DNAJC28: variants seen among roughly 807,000 people sequenced by gnomAD.
The protein encoded by DNAJC28 is DnaJ heat shock protein family (Hsp40) member C28.
DNAJC28 carries 24 observed loss-of-function variants against 33.3 expected under a neutral mutation model. That is an observed-to-expected ratio of 0.72 (90% confidence interval 0.52 to 1.01). The LOEUF is 1.01. Ranked by LOEUF, DNAJC28 falls within the 50% of genes least tolerant of loss-of-function variation. DNAJC28 has a pLI of 0.00. For synonymous variants in DNAJC28, 120 were observed against 147.2 expected, an observed-to-expected ratio of 0.82 and a Z score of 1.34; for missense variants, 442 against 455.2, an observed-to-expected ratio of 0.97 and a Z score of 0.26.
Position 33,488,176 on chromosome 21 carries a change from T to C in DNAJC28, c.*51A>G, listed in dbSNP as rs1285748270. The stretch of plus-strand genomic sequence containing the variant: ...TCTTGTATTATAGCAATAAATCTCA[T>C]TTTCCATGTAAAGTGTCAGTGGAAC... On this transcript the variant is annotated 3_prime_UTR_variant, in exon 2 of 2. Coordinates refer to ENST00000381947, the MANE Select transcript of DNAJC28 (RefSeq NM_001040192.3). 2.2e-6 allele frequency: 3 copies of C among 1,361,982 alleles called. No individual in the cohort carries two copies. The highest frequency in any genetic ancestry group is 2.7e-4 in the Middle Eastern group (1 of 3,760). The allele number at this position is 1,361,982 out of a possible 1,614,324, so 84.4% of individuals were successfully genotyped here.
chr21:33,489,155 GGAT>G lies in DNAJC28; in HGVS notation c.236_238del (p.His79del), dbSNP rs767130540. ...ATCAGCAGTATTAGAGCCACTGTCA[GGAT>G]GATATTGCTTGGCAAGCTTATGAAA... On this transcript the variant is annotated inframe_deletion, in exon 2 of 2. Coordinates refer to ENST00000381947, the MANE Select transcript of DNAJC28 (RefSeq NM_001040192.3). 1 of 1,612,216 alleles carries G rather than the reference GGAT, an allele frequency of 6.2e-7. No individual in the cohort carries two copies. The highest frequency in any genetic ancestry group is 8.5e-7 in the Non-Finnish European group (1 of 1,179,694).
intron 1 of DNAJC28, 42 bp downstream of exon 1, chr21:33,491,560 T>A (rs1402752874): frequency 6.6e-6 from 1 of 152,514 alleles, no homozygotes; most frequent in Non-Finnish European, 1.5e-5. Flanking sequence ...CATTTGCCAC[T>A]TTACACTGAG....
At position 33,488,796 on chromosome 21, in the gene DNAJC28, T is replaced by C. The variant is rs779934735; in HGVS notation, c.598A>G (p.Ile200Val). The C allele has an allele frequency of 1.9e-6, 3 of 1,613,624 alleles. No homozygotes were observed. Among genetic ancestry groups the C allele is most frequent in the Non-Finnish European group, 2.5e-6 (3 of 1,179,962 alleles). Residue 200 changes from isoleucine (I) to valine (V), a missense_variant, in exon 2 of 2, where the codon ATA becomes GTA. Physicochemically the swap from Ile to Val is conservative, Grantham distance 29 (BLOSUM62 3). Coordinates refer to ENST00000381947, the MANE Select transcript of DNAJC28 (RefSeq NM_001040192.3). ...ATGAGGTCCTCCACTAAACGTTCTA[T>C]AGCTTGCGTTATCTTTTGCTGTTTG... The part of the protein sequence containing the change: ...QSKQQKITQA[I>V]ERLVEDLIQE...
Position 33,491,708 on chromosome 21 carries a change from G to A in DNAJC28, c.-138C>T, listed in dbSNP as rs2084527882. On this transcript the variant is annotated 5_prime_UTR_variant, in exon 1 of 2. Coordinates refer to ENST00000381947, the MANE Select transcript of DNAJC28 (RefSeq NM_001040192.3). ...ACCTCGGGAGCCTTCGTCCCGACCGGGGACCACCAGCTCCACCTCCGTCCC... is the reference window on the plus strand; with the variant it reads ...ACCTCGGGAGCCTTCGTCCCGACCGAGGACCACCAGCTCCACCTCCGTCCC... The A allele has an allele frequency of 6.6e-6, 1 of 152,296 alleles. No individual in the cohort carries two copies. The highest frequency in any genetic ancestry group is 2.4e-5 in the African/African-American group (1 of 41,474). The allele number at this position is 152,296 out of a possible 1,614,324, so 9.4% of individuals were successfully genotyped here. A position where few individuals can be genotyped will look rare whatever the true frequency, so the allele number is the denominator to read the frequency against.
In DNAJC28 at chr21:33,488,643, C is replaced by T. The variant is rs756383892; in HGVS notation, c.751G>A (p.Gly251Arg). Residue 251 changes from glycine (G) to arginine (R), a missense_variant, in exon 2 of 2, where the codon GGA (glycine) becomes AGA (arginine). Physicochemically the swap from Gly to Arg is moderately radical, Grantham distance 125. Coordinates refer to ENST00000381947, the MANE Select transcript of DNAJC28 (RefSeq NM_001040192.3). ...TTAAGGATCCATTCTGGTTGGTATC[C>T]ATTATCGATCAGTATTCGGTTCAGG... Reference protein sequence around the residue: ...HNLNRILIDNGYQPEWILKQK... With the variant: ...HNLNRILIDNRYQPEWILKQK... 12 of 1,613,794 alleles carry T rather than the reference C, an allele frequency of 7.4e-6. No individual in the cohort carries two copies. Among genetic ancestry groups the T allele is most frequent in the Non-Finnish European group, 1.0e-5 (12 of 1,179,964 alleles).
At position 33,488,792 on chromosome 21, in the gene DNAJC28, T is replaced by A. The variant is rs1309573679; in HGVS notation, c.602A>T (p.Glu201Val). Residue 201 changes from glutamate (E) to valine (V), a missense_variant, in exon 2 of 2, where the codon GAA becomes GTA. Coordinates refer to ENST00000381947, the MANE Select transcript of DNAJC28 (RefSeq NM_001040192.3). ...TTGAATGAGGTCCTCCACTAAACGTTCTATAGCTTGCGTTATCTTTTGCTG... is the reference window on the plus strand; with the variant it reads ...TTGAATGAGGTCCTCCACTAAACGTACTATAGCTTGCGTTATCTTTTGCTG... ...SKQQKITQAIERLVEDLIQES... is the reference protein window; with the variant it reads ...SKQQKITQAIVRLVEDLIQES... 2.4e-5 allele frequency: 38 copies of A among 1,613,652 alleles called. 1 individual carries two copies. The Admixed American group carries it at 5.5e-4, about 23-fold the overall frequency.
In DNAJC28 at chr21:33,488,887, A is replaced by G. The variant is rs111790539; in HGVS notation, c.507T>C (p.Tyr169=). Residue 169 remains tyrosine, a synonymous_variant, in exon 2 of 2, where the codon TAT becomes TAC. Coordinates refer to ENST00000381947, the MANE Select transcript of DNAJC28 (RefSeq NM_001040192.3). ...ADRAAEQVME[Y]QKQKLQSQYF... ...ACTGGCTTTGTAGTTTCTGCTTTTG[A>G]TATTCCATCACTTGTTCAGCAGCAC... 224 of 1,610,082 alleles carry G rather than the reference A, an allele frequency of 1.4e-4. No homozygotes were observed. The African/African-American group carries it at 2.4e-3, about 18-fold the overall frequency.
chr21:33,490,407 C>G (rs1285254757), intron 1 of DNAJC28, among the ~76,000 whole-genome samples: 1 of 151,816 alleles, frequency 6.6e-6, no homozygotes, highest in African/African-American at 2.4e-5. Flanking sequence ...GCACCCAGCC[C>G]CACCAGCTGC....
chr21:33,488,842 A>C lies in DNAJC28; in HGVS notation c.552T>G (p.Ile184Met). 1 of 1,611,562 alleles carries C rather than the reference A, an allele frequency of 6.2e-7. No individual in the cohort carries two copies. Among genetic ancestry groups the C allele is most frequent in the South Asian group, 1.1e-5 (1 of 90,314 alleles). The change falls in exon 2 of 2, where the codon ATT (isoleucine) becomes ATG (methionine). Residue 184 changes from isoleucine to methionine, a missense_variant. Coordinates refer to ENST00000381947, the MANE Select transcript of DNAJC28 (RefSeq NM_001040192.3). ...LQSQYFPDSV[I>M]VKNIRQSKQQ... ...GTTTGCTCTGTCTTATATTTTTAACAATTACACTATCAGGAAAATACTGGC... is the reference window on the plus strand; with the variant it reads ...GTTTGCTCTGTCTTATATTTTTAACCATTACACTATCAGGAAAATACTGGC...
At chr21:33,491,062 G>C (rs2084518490) in intron 1 of DNAJC28, 1 of 152,138 alleles carries the variant, frequency 6.6e-6, no homozygotes. Flanking sequence ...GACAAGGTAC[G>C]TACCTGGTCT....
Position 33,488,392 on chromosome 21 carries a change from A to C in DNAJC28, c.1002T>G (p.Ile334Met). The C allele has an allele frequency of 6.3e-7, 1 of 1,590,804 alleles. No individual in the cohort carries two copies. The highest frequency in any genetic ancestry group is 8.5e-7 in the Non-Finnish European group (1 of 1,173,726). The change falls in exon 2 of 2, where the codon ATT becomes ATG. Residue 334 changes from isoleucine (I) to methionine (M), a missense_variant. Physicochemically the swap from Ile to Met is conservative, Grantham distance 10 (BLOSUM62 1). Transcript: ENST00000381947. ...QKVHFDAQKEIVRAQKIYETL... is the reference protein window; with the variant it reads ...QKVHFDAQKEMVRAQKIYETL... ...TCTCGTATATTTTCTGGGCTCTGAC[A>C]ATTTCTTTCTGAGCATCAAAATGGA... is the stretch of plus-strand genomic sequence containing the variant.
chr21:33,490,591 T>C (rs769598063), intron 1 of DNAJC28, among the ~76,000 whole-genome samples: 9 of 151,016 alleles, frequency 6.0e-5, no homozygotes, highest in Non-Finnish European at 1.0e-4. Flanking sequence ...CTGGCTAACA[T>C]GGCAAAACCC....
chr21:33,488,366 G>A lies in DNAJC28; in HGVS notation c.1028C>T (p.Thr343Ile), dbSNP rs776588830. ...TGTGACTTCTTTTGTTTTTATAAGG[G>A]TCTCGTATATTTTCTGGGCTCTGAC... ...EIVRAQKIYETLIKTKEVTDR... is the reference protein window; with the variant it reads ...EIVRAQKIYEILIKTKEVTDR... The change falls in exon 2 of 2, where the codon ACC becomes ATC. Residue 343 changes from threonine (T) to isoleucine (I), a missense_variant. Physicochemically the swap from Thr to Ile is moderately conservative, Grantham distance 89. Transcript: ENST00000381947. The A allele has an allele frequency of 5.0e-6, 8 of 1,592,134 alleles. No homozygotes were observed. The African/African-American group carries it at 5.5e-5, about 11-fold the overall frequency.
intron 1 of DNAJC28, among the ~76,000 whole-genome samples, chr21:33,490,674 T>C (rs1201682517): frequency 6.6e-6 from 1 of 151,926 alleles, no homozygotes; most frequent in African/African-American, 2.4e-5. Context: ...GGCAAGAGAA[T>C]CGCTTGAACC....
chr21:33,490,682 A>C (rs1209113817), intron 1 of DNAJC28, among the ~76,000 whole-genome samples: 1 of 151,674 alleles, frequency 6.6e-6, no homozygotes, highest in African/African-American at 2.4e-5. Context: ...AATCGCTTGA[A>C]CCCGGGAGGT....
At chr21:33,491,005 C>G (rs1041640650) in intron 1 of DNAJC28, 1 of 152,144 alleles carries the variant, frequency 6.6e-6, no homozygotes, top group Non-Finnish European at 1.5e-5. Flanking sequence ...ATAAACTGCA[C>G]GAGAGTCTGC....
intron 1 of DNAJC28, chr21:33,491,392 T>TCGGTC (rs1413344816): frequency 6.6e-6 from 1 of 151,844 alleles, no homozygotes; most frequent in Non-Finnish European, 1.5e-5. Flanking sequence ...GCAAGGGAGG[T>TCGGTC]CGGTCCTGCC....
At position 33,488,908 on chromosome 21, in the gene DNAJC28, A is replaced by G. The variant is rs368942966; in HGVS notation, c.486T>C (p.Ala162=). 1.2e-5 allele frequency: 19 copies of G among 1,612,600 alleles called. No homozygotes were observed. The highest frequency in any genetic ancestry group is 8.5e-7 in the Non-Finnish European group (1 of 1,179,868). Residue 162 remains alanine (A), a synonymous_variant, in exon 2 of 2, where the codon GCT becomes GCC. Transcript: ENST00000381947. ...KHYRQFRADR[A]AEQVMEYQKQ... is the part of the protein sequence containing the mutation. Reference sequence around the variant, plus strand: ...TTTGATATTCCATCACTTGTTCAGCAGCACGGTCTGCCCTAAATTGCCTAT... The same window carrying G: ...TTTGATATTCCATCACTTGTTCAGCGGCACGGTCTGCCCTAAATTGCCTAT...
chr21:33,489,163 T>A lies in DNAJC28; in HGVS notation c.231A>T (p.Gln77His), dbSNP rs148748960. Residue 77 changes from glutamine (Q) to histidine (H), a missense_variant, in exon 2 of 2, where the codon CAA (glutamine) becomes CAT (histidine). Physicochemically the swap from Gln to His is conservative, Grantham distance 24. Transcript: ENST00000381947. The part of the protein sequence containing the change: ...VRESFHKLAK[Q>H]YHPDSGSNTA... ...TATTAGAGCCACTGTCAGGATGATA[T>A]TGCTTGGCAAGCTTATGAAAAGATT... The A allele has an allele frequency of 1.2e-6, 2 of 1,612,032 alleles. No homozygotes were observed. The highest frequency in any genetic ancestry group is 1.3e-5 in the African/African-American group (1 of 74,906).
Sources: allele counts gnomAD v4.1 joint callset (sites outside exome capture counted in the v4.1 genomes callset), GRCh38; gene constraint gnomAD v4.1.1; transcripts MANE v1.5; gene names NCBI Gene and HGNC (gene_info 2026-07-23, HGNC 2026-07-21).